Variants in USH2A observed in about 807,000 individuals in gnomAD.
The protein encoded by USH2A is Usher syndrome 2A (autosomal recessive, mild).
In USH2A, 443 loss-of-function variants were observed where a neutral mutation model predicts 538.9. The ratio of observed to expected loss-of-function variants is 0.82; its 90% CI spans 0.76 to 0.89. The LOEUF (loss-of-function observed/expected upper bound fraction) is 0.89, where lower values mean the gene tolerates loss of function less well. USH2A is among the 40% of genes least tolerant of loss of function. The pLI is 0.00. For synonymous variants in USH2A, 2,413 were observed against 2,273.5 expected (o/e 1.06, Z -1.75); for missense variants, 6,633 against 6,324.8 (o/e 1.05, Z -1.65).
At chr1:216,207,178 G>A in intron 16 of USH2A, 95 bp downstream of exon 16, 2 of 1,485,748 alleles carry the variant, frequency 1.3e-6, no homozygotes, top group East Asian at 4.6e-5. Context: ...CCAGACAGAG[G>A]AAACCACAAC....
intron 32 of USH2A, among the ~76,000 whole-genome samples, chr1:216,021,378 C>T (rs1471631676): frequency 1.3e-5 from 2 of 152,122 alleles, no homozygotes; most frequent in Non-Finnish European, 2.9e-5. Flanking sequence ...GAGGTTTCCC[C>T]TTTCGCTTGG....
At chr1:215,909,026 A>T (rs1321162433) in intron 38 of USH2A, among the ~76,000 whole-genome samples, 1 of 149,598 alleles carries the variant, frequency 6.7e-6, no homozygotes, top group African/African-American at 2.4e-5. Context: ...TAAATATATT[A>T]TATATCTACA....
At chr1:215,656,220 A>G (rs571913301) in intron 64 of USH2A, among the ~76,000 whole-genome samples, 3 of 152,336 alleles carry the variant, frequency 2.0e-5, no homozygotes, top group Admixed American at 1.3e-4. Context: ...AACCTTCCTT[A>G]GGACTGATGT....
Position 216,327,637 on chromosome 1 carries a change from C to T in USH2A, c.802G>A (p.Gly268Arg), listed in dbSNP as rs111033280. The T allele has an allele frequency of 1.4e-5, 22 of 1,612,914 alleles. No homozygotes were observed. The highest frequency in any genetic ancestry group is 5.0e-5 in the Admixed American group (3 of 59,900). The change falls in exon 5 of 72, where the codon GGA (glycine) becomes AGA (arginine). Residue 268 changes from glycine to arginine, a missense_variant. Gly to Arg is a moderately radical substitution (Grantham distance 125, BLOSUM62 -2). Transcript: ENST00000307340. ...QSLNGLEQFVGRMQDFRLYQV... is the reference protein window; with the variant it reads ...QSLNGLEQFVRRMQDFRLYQV... ...TATAATCGAAAATCTTGCATTCTTCCGACAAACTGCTCTAAACCTGCAAAT... is the reference window on the plus strand; with the variant it reads ...TATAATCGAAAATCTTGCATTCTTCTGACAAACTGCTCTAAACCTGCAAAT...
intron 64 of USH2A, among the ~76,000 whole-genome samples, chr1:215,664,475 G>T (rs1260058978): frequency 1.3e-5 from 2 of 152,108 alleles, no homozygotes; most frequent in Non-Finnish European, 2.9e-5. Context: ...GTTGCTTTGG[G>T]TGAGAATTTA....
chr1:216,102,626 C>T (rs1292726967), intron 21 of USH2A, among the ~76,000 whole-genome samples: 2 of 151,872 alleles, frequency 1.3e-5, no homozygotes, highest in African/African-American at 4.8e-5. Context: ...GGCGAAACCT[C>T]GTCTCTACTA....
intron 32 of USH2A, among the ~76,000 whole-genome samples, chr1:216,030,224 G>T (rs1669075089): frequency 7.4e-6 from 1 of 135,412 alleles, no homozygotes; most frequent in Non-Finnish European, 1.5e-5. Context: ...TATTATATAT[G>T]ATATATAGAT....
chr1:215,958,935 T>C (rs959588730), intron 37 of USH2A, among the ~76,000 whole-genome samples: 2 of 152,036 alleles, frequency 1.3e-5, no homozygotes, highest in East Asian at 3.9e-4. Context: ...AAATTTAACA[T>C]CCCACAAGTC....
chr1:216,157,599 A>G (rs1467559449), intron 21 of USH2A, among the ~76,000 whole-genome samples: 2 of 152,240 alleles, frequency 1.3e-5, no homozygotes, highest in Non-Finnish European at 2.9e-5. Flanking sequence ...GATAAAGAAA[A>G]TGTGGTACAT....
intron 30 of USH2A, among the ~76,000 whole-genome samples, chr1:216,067,726 CAGG>C (rs2031426617): frequency 6.6e-6 from 1 of 152,000 alleles, no homozygotes; most frequent in Admixed American, 6.6e-5. Flanking sequence ...TATGAGAATG[CAGG>C]AGAAGCAAGA....
intron 11 of USH2A, among the ~76,000 whole-genome samples, chr1:216,280,329 T>C (rs1414155801): frequency 6.6e-6 from 1 of 152,072 alleles, no homozygotes; most frequent in Non-Finnish European, 1.5e-5. Context: ...TTATCATCTT[T>C]TTTGGTTCAT....
At chr1:215,854,689 A>G (rs1251873793) in intron 44 of USH2A, among the ~76,000 whole-genome samples, 2 of 152,224 alleles carry the variant, frequency 1.3e-5, no homozygotes, top group African/African-American at 4.8e-5. Context: ...TTGAGGAGGC[A>G]GTGCCTGATT....
intron 32 of USH2A, among the ~76,000 whole-genome samples, chr1:216,039,829 T>G (rs776996148): frequency 3.3e-5 from 5 of 151,952 alleles, no homozygotes; most frequent in Non-Finnish European, 5.9e-5. Flanking sequence ...ACTTAAGTGT[T>G]TGGAAAGTTT....
intron 45 of USH2A, 25 bp downstream of exon 45, chr1:215,845,799 A>G: frequency 6.2e-7 from 1 of 1,609,546 alleles, no homozygotes; most frequent in Non-Finnish European, 8.5e-7. Context: ...CTCTGAGGCA[A>G]ATATCCTTTA....
At chr1:215,634,377 G>T in intron 70 of USH2A, 82 bp downstream of exon 70, 1 of 1,600,892 alleles carries the variant, frequency 6.2e-7, no homozygotes, top group South Asian at 1.1e-5. Context: ...TGTTACCATG[G>T]CTATGACACA....
intron 61 of USH2A, among the ~76,000 whole-genome samples, chr1:215,692,464 T>A (rs1026867065): frequency 6.9e-6 from 1 of 144,830 alleles, no homozygotes; most frequent in Non-Finnish European, 1.5e-5. Context: ...TATATATATA[T>A]ATGAATTAGA....
intron 61 of USH2A, among the ~76,000 whole-genome samples, chr1:215,724,054 T>C (rs1210575402): frequency 2.0e-5 from 3 of 148,388 alleles, no homozygotes; most frequent in East Asian, 4.0e-4. Context: ...CAATGGATGA[T>C]TGCATAAACA....
intron 37 of USH2A, among the ~76,000 whole-genome samples, chr1:215,944,626 C>G (rs1231488537): frequency 1.3e-5 from 2 of 152,068 alleles, no homozygotes; most frequent in African/African-American, 4.8e-5. Context: ...TTCCACATGC[C>G]TAGGAAGTTT....
intron 41 of USH2A, among the ~76,000 whole-genome samples, chr1:215,887,025 T>C (rs1003516893): frequency 5.3e-5 from 8 of 152,070 alleles, no homozygotes; most frequent in African/African-American, 1.9e-4. Context: ...GCCTGGCTAA[T>C]TTTTTGTATT....
Sources: allele counts gnomAD v4.1 joint callset (sites outside exome capture counted in the v4.1 genomes callset), GRCh38; gene constraint gnomAD v4.1.1; transcripts MANE v1.5; gene names NCBI Gene and HGNC (gene_info 2026-07-23, HGNC 2026-07-21).